The following EYS variants were observed in gnomAD, a reference collection of about 807,000 sequenced individuals.
The protein encoded by EYS is protein eyes shut homolog.
In EYS, 250 loss-of-function variants were observed where a neutral mutation model predicts 282.1. The ratio of observed to expected loss-of-function variants is 0.89; its 90% confidence interval spans 0.80 to 0.98. EYS has a LOEUF of 0.98. EYS is among the 50% of genes least tolerant of loss of function. The pLI, the probability that EYS is intolerant of heterozygous loss-of-function variation, is 0.00. For synonymous variants in EYS, 1,355 were observed against 1,282.9 expected, an observed-to-expected ratio of 1.06 and a Z score of -1.20; for missense variants, 4,016 against 3,709.0, an observed-to-expected ratio of 1.08 and a Z score of -2.15.
At chr6:64,660,942 C>A (rs1768990159) in intron 22 of EYS, among the ~76,000 whole-genome samples, 1 of 152,074 alleles carries the variant, frequency 6.6e-6, no homozygotes, top group Non-Finnish European at 1.5e-5. Flanking sequence ...CAATCCTAAG[C>A]CAAAAGAACA....
At chr6:64,502,517 C>T (rs1048161332) in intron 26 of EYS, among the ~76,000 whole-genome samples, 5 of 152,170 alleles carry the variant, frequency 3.3e-5, no homozygotes, top group Non-Finnish European at 7.4e-5. Flanking sequence ...CCACTGCGCT[C>T]GGCCGGAGGC....
intron 5 of EYS, among the ~76,000 whole-genome samples, chr6:65,415,829 C>T (rs572364630): frequency 1.3e-5 from 2 of 152,078 alleles, no homozygotes; most frequent in African/African-American, 4.8e-5. Flanking sequence ...GAAAAAAATG[C>T]ACACATTAGA....
intron 13 of EYS, among the ~76,000 whole-genome samples, chr6:65,000,540 G>C (rs929018300): frequency 1.3e-5 from 2 of 152,174 alleles, no homozygotes; most frequent in Admixed American, 6.5e-5. Flanking sequence ...GGGAGGCCGA[G>C]GCAGGTGGAT....
intron 19 of EYS, among the ~76,000 whole-genome samples, chr6:64,829,397 A>G (rs1247872671): frequency 6.6e-6 from 1 of 151,926 alleles, no homozygotes; most frequent in African/African-American, 2.4e-5. Context: ...TCAGATATCC[A>G]ATCTTCCAGG....
intron 2 of EYS, among the ~76,000 whole-genome samples, chr6:65,575,090 G>T (rs1413648761): frequency 1.3e-5 from 2 of 152,092 alleles, no homozygotes; most frequent in East Asian, 1.9e-4. Context: ...GAAGGCCAAG[G>T]TGCATGGATC....
At chr6:64,950,817 AT>A (rs1562272719) in intron 14 of EYS, among the ~76,000 whole-genome samples, 1 of 113,830 alleles carries the variant, frequency 8.8e-6, no homozygotes, top group Non-Finnish European at 1.9e-5. Flanking sequence ...ATATATATAT[AT>A]ATATATATAT....
intron 11 of EYS, chr6:65,332,380 G>A: frequency 9.6e-7 from 1 of 1,039,998 alleles, no homozygotes; most frequent in Non-Finnish European, 1.5e-6. Flanking sequence ...TCTATATGTT[G>A]CTGAATTTGG....
At chr6:64,704,451 A>ATATAATTATAATATAATACTTATAT (rs1770905217) in intron 22 of EYS, among the ~76,000 whole-genome samples, 2 of 119,588 alleles carry the variant, frequency 1.7e-5, no homozygotes, top group Non-Finnish European at 3.5e-5. Context: ...CTATATTATA[A>ATATAATTATAATATAATACTTATAT]TATAATTATA....
intron 2 of EYS, among the ~76,000 whole-genome samples, chr6:65,628,479 G>A (rs1460165979): frequency 2.6e-5 from 4 of 152,174 alleles, no homozygotes; most frequent in African/African-American, 9.7e-5. Context: ...CCCTTCCACA[G>A]TGTGGAAGCT....
chr6:65,082,862 C>T (rs1299679706), intron 12 of EYS, among the ~76,000 whole-genome samples: 2 of 151,690 alleles, frequency 1.3e-5, no homozygotes, highest in Non-Finnish European at 2.9e-5. Context: ...ATTACAGAAA[C>T]ATTTATTAAT....
At chr6:64,018,769 T>G (rs1388141472) in intron 33 of EYS, among the ~76,000 whole-genome samples, 1 of 115,646 alleles carries the variant, frequency 8.6e-6, no homozygotes, top group African/African-American at 3.7e-5. Context: ...GTTTTTTTTT[T>G]TTTTTTTTTT....
At chr6:64,755,525 CA>C (rs1383291684) in intron 22 of EYS, among the ~76,000 whole-genome samples, 2 of 151,760 alleles carry the variant, frequency 1.3e-5, no homozygotes, top group South Asian at 2.1e-4. Context: ...CACACACACA[CA>C]CACACACACA....
chr6:65,228,659 G>A (rs986994146), intron 12 of EYS, among the ~76,000 whole-genome samples: 1 of 151,900 alleles, frequency 6.6e-6, no homozygotes, highest in African/African-American at 2.4e-5. Flanking sequence ...ATCCTAGCAG[G>A]TATTTTATAG....
intron 33 of EYS, among the ~76,000 whole-genome samples, chr6:64,002,903 A>G (rs1768165695): frequency 6.6e-6 from 1 of 152,198 alleles, no homozygotes; most frequent in Non-Finnish European, 1.5e-5. Context: ...CACTGAACAT[A>G]TGTTTTTTAA....
intron 35 of EYS, among the ~76,000 whole-genome samples, chr6:63,887,302 G>C (rs1021462816): frequency 7.0e-6 from 1 of 142,068 alleles, no homozygotes; most frequent in East Asian, 2.1e-4. Flanking sequence ...AGAGGAAAGA[G>C]GAATAAAAGG....
intron 8 of EYS, among the ~76,000 whole-genome samples, chr6:65,366,951 A>T (rs1461720785): frequency 6.6e-6 from 1 of 151,624 alleles, no homozygotes; most frequent in Non-Finnish European, 1.5e-5. Flanking sequence ...GCAACTTTTT[A>T]ATAAGGACCT....
At chr6:65,400,905 C>T (rs1766469557) in intron 7 of EYS, among the ~76,000 whole-genome samples, 1 of 151,902 alleles carries the variant, frequency 6.6e-6, no homozygotes, top group Admixed American at 6.6e-5. Context: ...CAATTTCCCT[C>T]ATTGAAGCTG....
At chr6:63,945,007 A>T (rs1582008715) in intron 35 of EYS, among the ~76,000 whole-genome samples, 1 of 152,190 alleles carries the variant, frequency 6.6e-6, no homozygotes, top group South Asian at 2.1e-4. Flanking sequence ...GTAAAAAAAA[A>T]TATTGTCAAT....
intron 24 of EYS, among the ~76,000 whole-genome samples, chr6:64,600,280 A>C (rs1312922501): frequency 1.2e-5 from 1 of 80,196 alleles, no homozygotes; most frequent in Admixed American, 1.3e-4. Context: ...TTTCCTCATT[A>C]AGATATTAAC....
Sources: gnomAD v4.1 joint callset for allele counts (sites outside exome capture counted in the v4.1 genomes callset) on GRCh38, gnomAD v4.1.1 for gene constraint, MANE v1.5 for transcripts, NCBI Gene and HGNC (gene_info 2026-07-23, HGNC 2026-07-21) for gene names.